Variants in CCDC102B observed in about 807,000 individuals in gnomAD.
CCDC102B encodes coiled-coil domain containing 102B.
A neutral mutation model predicts 57.4 loss-of-function variants in CCDC102B; 75 were observed. The observed-to-expected ratio is 1.31, with a 90% CI of 1.08 to 1.58. The LOEUF is 1.58. Among genes scored for constraint, CCDC102B ranks in the 40% most tolerant of loss-of-function variants. CCDC102B has a pLI of 0.00. For missense variants in CCDC102B, 636 were observed against 582.6 expected (o/e 1.09, Z -0.94); for synonymous variants, 206 against 201.9 (o/e 1.02, Z -0.17).
intron 2 of CCDC102B, among the ~76,000 whole-genome samples, chr18:68,757,534 A>C (rs2145259824): frequency 6.6e-6 from 1 of 152,338 alleles, no homozygotes; most frequent in East Asian, 1.9e-4. Flanking sequence ...TATTTAAAAA[A>C]ATACATACTG....
intron 6 of CCDC102B, among the ~76,000 whole-genome samples, chr18:68,963,972 T>C (rs1417562190): frequency 6.6e-6 from 1 of 151,904 alleles, no homozygotes; most frequent in Non-Finnish European, 1.5e-5. Context: ...GCTGGATCAC[T>C]ACTTTCTTCC....
intron 2 of CCDC102B, among the ~76,000 whole-genome samples, chr18:68,786,735 A>T (rs1382318454): frequency 1.4e-5 from 2 of 146,550 alleles, no homozygotes; most frequent in Non-Finnish European, 3.0e-5. Flanking sequence ...GGGCTGAGAC[A>T]ATGGGGTTTT....
chr18:68,780,974 A>C (rs1418339956), intron 2 of CCDC102B, among the ~76,000 whole-genome samples: 1 of 152,148 alleles, frequency 6.6e-6, no homozygotes, highest in Non-Finnish European at 1.5e-5. Context: ...TGGAAAAAAC[A>C]CTATCATATC....
chr18:69,036,287 G>T (rs574119736), intron 7 of CCDC102B, among the ~76,000 whole-genome samples: 1 of 152,098 alleles, frequency 6.6e-6, no homozygotes, highest in South Asian at 2.1e-4. Context: ...AAATTATGAA[G>T]ACTTAGAATA....
chr18:68,971,245 A>G (rs971132219), intron 6 of CCDC102B, among the ~76,000 whole-genome samples: 3 of 152,068 alleles, frequency 2.0e-5, no homozygotes, highest in Admixed American at 6.6e-5. Context: ...TTGAAATTAT[A>G]TATAACCAGT....
At chr18:68,828,299 C>T (rs2036989715) in intron 1 of CCDC102B, among the ~76,000 whole-genome samples, 1 of 128,598 alleles carries the variant, frequency 7.8e-6, no homozygotes, top group Non-Finnish European at 1.6e-5. Flanking sequence ...ATGTAACATT[C>T]ACCAAGGTAC....
intron 7 of CCDC102B, among the ~76,000 whole-genome samples, chr18:69,053,437 C>T (rs953992129): frequency 6.6e-5 from 10 of 151,356 alleles, no homozygotes; most frequent in African/African-American, 2.4e-4. Flanking sequence ...TGACTTATAG[C>T]TAGGGGAGGC....
rs190829225 is a variant in CCDC102B at position 68,999,048 on chromosome 18, A to C, written c.1264-11886A>C. On this transcript the variant is annotated intron_variant, in intron 6 of 7. Coordinates refer to ENST00000360242, the MANE Select transcript of CCDC102B (RefSeq NM_024781.3). ...GAGAGAGAGAGAGAGTCATTATCAT[A>C]AAATAATGAACATTATTGAGAATTT... Among the ~76,000 whole-genome samples, 246 of 150,436 alleles carry C rather than the reference A, an allele frequency of 1.6e-3. 1 individual carries two copies. The highest frequency in any genetic ancestry group is 0.014 in the Middle Eastern group (4 of 290).
At chr18:68,911,865 T>A in intron 6 of CCDC102B, among the ~76,000 whole-genome samples, 1 of 148,090 alleles carries the variant, frequency 6.8e-6, no homozygotes, top group East Asian at 2.0e-4. Flanking sequence ...TGAATTTACC[T>A]ACATGTACCC....
chr18:69,013,371 G>A (rs961277010), intron 7 of CCDC102B, among the ~76,000 whole-genome samples: 2 of 152,164 alleles, frequency 1.3e-5, no homozygotes, highest in African/African-American at 2.4e-5. Context: ...ATGGCGACTC[G>A]GAAAGGTGGG....
chr18:68,899,992 A>G (rs991820703), intron 6 of CCDC102B: 1 of 152,188 alleles, frequency 6.6e-6, no homozygotes, highest in African/African-American at 2.4e-5. Flanking sequence ...TAAAAAATGC[A>G]ATAATACACT....
chr18:68,802,497 C>G (rs73456193), intron 1 of CCDC102B, among the ~76,000 whole-genome samples: 9,737 of 152,152 alleles, frequency 0.064, 815 homozygotes, highest in African/African-American at 0.2. Flanking sequence ...GGTATCAGGA[C>G]TAAATAAATT....
chr18:68,901,926 A>T (rs2040468425), intron 6 of CCDC102B, among the ~76,000 whole-genome samples: 1 of 152,148 alleles, frequency 6.6e-6, no homozygotes, highest in African/African-American at 2.4e-5. Flanking sequence ...TCGATGTAAG[A>T]TATAAACCTC....
At chr18:68,719,634 A>G (rs940311727) in intron 2 of CCDC102B, among the ~76,000 whole-genome samples, 8 of 152,186 alleles carry the variant, frequency 5.3e-5, no homozygotes, top group African/African-American at 1.9e-4. Flanking sequence ...GAGGCCATCT[A>G]CATTACTCAG....
intron 6 of CCDC102B, among the ~76,000 whole-genome samples, chr18:68,953,186 G>A (rs904049132): frequency 5.9e-5 from 9 of 151,898 alleles, no homozygotes; most frequent in African/African-American, 1.9e-4. Flanking sequence ...ATACAGCTAG[G>A]CATTTATAAT....
At chr18:68,883,010 AAAC>A (rs1380526006) in intron 5 of CCDC102B, among the ~76,000 whole-genome samples, 1 of 152,192 alleles carries the variant, frequency 6.6e-6, no homozygotes, top group Non-Finnish European at 1.5e-5. Flanking sequence ...GATCAGGAAA[AAAC>A]AACTAATGGG....
chr18:68,828,290 TGTAACATTCACCAAGGTAC>T lies in CCDC102B; in HGVS notation c.-15-8458_-15-8440del, dbSNP rs1466079904. ...AGAATATACATATTTTCAAGTGTCA[TGTAACATTCACCAAGGTAC>T]ATACCCTATTTACAAAAAAAAAAAA... On this transcript the variant is annotated intron_variant, in intron 1 of 7. Coordinates refer to ENST00000360242, the MANE Select transcript of CCDC102B (RefSeq NM_024781.3). Among the ~76,000 whole-genome samples the T allele has an allele frequency of 3.1e-5, 4 of 130,206 alleles. No homozygotes were observed. The East Asian group carries it at 6.4e-4, about 21-fold the overall frequency. 85.4% of individuals were successfully genotyped at this position (130,206 alleles called of 152,430 possible). A position where few individuals can be genotyped will look rare whatever the true frequency, so the allele number is the denominator to read the frequency against.
At chr18:68,951,535 T>A (rs992730506) in intron 6 of CCDC102B, among the ~76,000 whole-genome samples, 1 of 152,074 alleles carries the variant, frequency 6.6e-6, no homozygotes, top group Non-Finnish European at 1.5e-5. Flanking sequence ...TGGCTGGGCA[T>A]GGTGCCTCAT....
At chr18:68,864,728 C>G (rs9950465) in intron 4 of CCDC102B, among the ~76,000 whole-genome samples, 106,728 of 151,800 alleles carry the variant, frequency 0.7, 37,915 homozygotes, top group East Asian at 1. Context: ...ATTGTCTTCT[C>G]TTGCTCATTA....
Sources: allele counts gnomAD v4.1 joint callset (sites outside exome capture counted in the v4.1 genomes callset), GRCh38; gene constraint gnomAD v4.1.1; transcripts MANE v1.5; gene names NCBI Gene and HGNC (gene_info 2026-07-23, HGNC 2026-07-21).